The following GANC variants were observed in gnomAD, a reference collection of about 807,000 sequenced individuals.
GANC encodes the protein neutral alpha-glucosidase C.
GANC carries 117 observed loss-of-function variants against 124.2 expected under a neutral mutation model. That is an observed-to-expected ratio of 0.94 (90% CI 0.81 to 1.10). GANC has a LOEUF of 1.10. Among genes scored for constraint, GANC ranks in the 50% least tolerant of loss-of-function variants. The pLI is 0.00. For missense variants in GANC, 1,140 were observed against 1,095.0 expected (o/e 1.04, Z -0.58); for synonymous variants, 377 against 376.8 (o/e 1.00, Z -0.01).
intron 5 of GANC, among the ~76,000 whole-genome samples, chr15:42,293,326 G>C (rs1370960497): frequency 6.6e-6 from 1 of 152,182 alleles, no homozygotes; most frequent in Non-Finnish European, 1.5e-5. Context: ...GATCAAAGCT[G>C]TTTATGTGGG....
At position 42,308,235 on chromosome 15, in the gene GANC, T is replaced by C; in HGVS notation, c.639T>C (p.Ile213=). The C allele has an allele frequency of 6.2e-7, 1 of 1,604,850 alleles. No homozygotes were observed. Among genetic ancestry groups the C allele is most frequent in the Non-Finnish European group, 8.5e-7 (1 of 1,173,044 alleles). ...VDIKANGPSS[I]GLDFSLHGFE... ...TGGTCTCTACAGGCCCTTCTTCTAT[T>C]GGTTTGGATTTCTCCTTGCATGGAT... Residue 213 remains isoleucine, a synonymous_variant, in exon 8 of 24, where the codon ATT becomes ATC. Coordinates refer to ENST00000318010, the MANE Select transcript of GANC (RefSeq NM_198141.3).
At chr15:42,347,259 C>A (rs1024431101) in intron 20 of GANC, among the ~76,000 whole-genome samples, 3 of 151,890 alleles carry the variant, frequency 2.0e-5, no homozygotes, top group African/African-American at 4.8e-5. Context: ...CTTCTCACTG[C>A]CGAGGCAAGT....
At chr15:42,281,140 G>A in intron 3 of GANC, 1 of 702,228 alleles carries the variant, frequency 1.4e-6, no homozygotes, top group Non-Finnish European at 2.6e-6. Flanking sequence ...TCAGGTATTA[G>A]AAATATCAGA....
intron 2 of GANC, among the ~76,000 whole-genome samples, chr15:42,277,309 T>A (rs1457867969): frequency 6.6e-6 from 1 of 152,100 alleles, no homozygotes; most frequent in Non-Finnish European, 1.5e-5. Flanking sequence ...GGCAGGCGGA[T>A]CACCTGAGGT....
intron 3 of GANC, among the ~76,000 whole-genome samples, chr15:42,279,491 A>G (rs1280431751): frequency 2.6e-5 from 4 of 152,188 alleles, no homozygotes; most frequent in South Asian, 4.1e-4. Flanking sequence ...TTGCCTAGTG[A>G]GAGGGTTAGG....
intron 4 of GANC, among the ~76,000 whole-genome samples, chr15:42,288,778 C>T (rs2051815829): frequency 6.6e-6 from 1 of 152,182 alleles, no homozygotes; most frequent in African/African-American, 2.4e-5. Context: ...CCCTCCTCTT[C>T]CTCCCAAAGT....
chr15:42,330,091 G>A lies in GANC; in HGVS notation c.1645-485G>A, dbSNP rs995803736. 2.6e-5 allele frequency among the ~76,000 whole-genome samples: 4 copies of A among 152,076 alleles called. No homozygotes were observed. In the East Asian group the frequency reaches 7.7e-4, roughly 29 times the overall value. On this transcript the variant is annotated intron_variant, in intron 14 of 23. Coordinates refer to ENST00000318010, the MANE Select transcript of GANC (RefSeq NM_198141.3). ...TCTTACCTATTGGTATTTTCCAATG[G>A]GATCTTTTGGCTAAATATAAGCATA... is the stretch of plus-strand genomic sequence containing the variant.
intron 3 of GANC, among the ~76,000 whole-genome samples, chr15:42,278,916 G>A (rs1295311318): frequency 2.0e-5 from 3 of 152,160 alleles, no homozygotes; most frequent in Non-Finnish European, 2.9e-5. Flanking sequence ...GATCTCTTGA[G>A]CCCGGGAGGT....
At chr15:42,314,536 A>G (rs2052086236) in intron 10 of GANC, 2 of 232,470 alleles carry the variant, frequency 8.6e-6, no homozygotes, top group Non-Finnish European at 1.7e-5. Flanking sequence ...CTAATTTAGT[A>G]AAATGAAAGA....
intron 10 of GANC, among the ~76,000 whole-genome samples, chr15:42,319,418 C>T (rs1370787257): frequency 6.6e-6 from 1 of 152,124 alleles, no homozygotes; most frequent in African/African-American, 2.4e-5. Flanking sequence ...GACCATGGCT[C>T]ACTGCAGCCT....
chr15:42,334,425 G>A (rs959771281), intron 15 of GANC, among the ~76,000 whole-genome samples: 27 of 152,144 alleles, frequency 1.8e-4, no homozygotes, highest in African/African-American at 6.5e-4. Context: ...GCTTCACAAA[G>A]TGCTGGGATT....
At chr15:42,313,524 C>CAA (rs2052074221) in intron 10 of GANC, among the ~76,000 whole-genome samples, 2 of 152,174 alleles carry the variant, frequency 1.3e-5, no homozygotes, top group South Asian at 4.1e-4. Context: ...GAACTGTCTA[C>CAA]CACTGAGCAA....
At chr15:42,345,511 T>C (rs75350521) in intron 19 of GANC, among the ~76,000 whole-genome samples, 14,761 of 152,292 alleles carry the variant, frequency 0.097, 840 homozygotes, top group South Asian at 0.18. Flanking sequence ...GGTAGATTGT[T>C]CAGTCGGTAG....
intron 10 of GANC, among the ~76,000 whole-genome samples, chr15:42,317,388 G>A (rs114561494): frequency 0.014 from 2,171 of 152,222 alleles, 49 homozygotes; most frequent in African/African-American, 0.05. Context: ...ATGAGAGGGG[G>A]CTGAGAGGTG....
intron 6 of GANC, among the ~76,000 whole-genome samples, chr15:42,302,088 C>T (rs1396241916): frequency 6.6e-6 from 1 of 152,240 alleles, no homozygotes; most frequent in Non-Finnish European, 1.5e-5. Context: ...TTGACAGACA[C>T]CTCATACAGG....
At chr15:42,281,919 G>T (rs761830894) in intron 3 of GANC, among the ~76,000 whole-genome samples, 17 of 152,118 alleles carry the variant, frequency 1.1e-4, no homozygotes, top group Non-Finnish European at 2.2e-4. Flanking sequence ...AGGTGCAGTG[G>T]CTCATGCCTA....
Position 42,327,416 on chromosome 15 carries a change from A to G in GANC, c.1474A>G (p.Ser492Gly). 1 of 1,613,448 alleles carries G rather than the reference A, an allele frequency of 6.2e-7. No individual in the cohort carries two copies. The highest frequency in any genetic ancestry group is 1.1e-5 in the South Asian group (1 of 90,958). Residue 492 changes from serine to glycine, a missense_variant, in exon 13 of 24, where the codon AGT becomes GGT. Physicochemically the swap from Ser to Gly is moderately conservative, Grantham distance 56. Coordinates refer to ENST00000318010, the MANE Select transcript of GANC (RefSeq NM_198141.3). Reference protein sequence around the residue: ...TNPKVREWYSSLFAFPVYQGS... With the variant: ...TNPKVREWYSGLFAFPVYQGS... The stretch of plus-strand genomic sequence containing the variant: ...TCCCAAGGTCAGAGAGTGGTATTCA[A>G]GTCTTTTTGCTTTCCCTGTTTATCA...
In GANC at chr15:42,326,522, G is replaced by A. The variant is rs1251482776; in HGVS notation, c.1420+98G>A. On this transcript the variant is annotated intron_variant, in intron 12 of 23. Transcript: ENST00000318010. ...TTCTGCTCCCTTGTAGATGTCTCTT[G>A]CTCCTCTAGCTACATTTTAAGCATA... is the stretch of plus-strand genomic sequence containing the variant. 5.2e-6 allele frequency: 8 copies of A among 1,549,820 alleles called. No homozygotes were observed. The African/African-American group carries it at 1.1e-4, about 21-fold the overall frequency.
rs2052474512 is a variant in GANC, at chr15:42,353,276, T to A, written c.*1137T>A. The A allele has an allele frequency of 7.1e-6, 7 of 986,004 alleles. No individual in the cohort carries two copies. Among genetic ancestry groups the A allele is most frequent in the Admixed American group, 6.2e-5 (1 of 16,252 alleles). 61.1% of individuals were successfully genotyped at this position (986,004 alleles called of 1,614,324 possible). A position where few individuals can be genotyped will look rare whatever the true frequency, so the allele number is the denominator to read the frequency against. On this transcript the variant is annotated 3_prime_UTR_variant, in exon 24 of 24. Coordinates refer to ENST00000318010, the MANE Select transcript of GANC (RefSeq NM_198141.3). ...CTCTTCTTATCAGGCTTCCTCCACT[T>A]AGCAACTTGCTAACGGCCACCTCTG...
Sources: gnomAD v4.1 joint callset for allele counts (sites outside exome capture counted in the v4.1 genomes callset) on GRCh38, gnomAD v4.1.1 for gene constraint, MANE v1.5 for transcripts, NCBI Gene and HGNC (gene_info 2026-07-23, HGNC 2026-07-21) for gene names.